The following FCHSD2 variants were observed in gnomAD, a reference collection of about 807,000 sequenced individuals.
The protein encoded by FCHSD2 is F-BAR and double SH3 domains protein 2.
A neutral mutation model predicts 108.1 loss-of-function variants in FCHSD2; 38 were observed. The observed-to-expected ratio is 0.35, with a 90% CI of 0.27 to 0.46. The LOEUF is 0.46. Among genes scored for constraint, FCHSD2 ranks in the 20% least tolerant of loss-of-function variants. FCHSD2 has a pLI of 1.00. For missense variants in FCHSD2, 751 were observed against 897.8 expected (o/e 0.84, Z 2.09); for synonymous variants, 279 against 314.7 (o/e 0.89, Z 1.20).
intron 3 of FCHSD2, among the ~76,000 whole-genome samples, chr11:73,021,616 T>A (rs1301031791): frequency 1.3e-5 from 2 of 152,052 alleles, no homozygotes. Flanking sequence ...GTACTAGGCT[T>A]AATACCTGGG....
Position 72,841,492 on chromosome 11 carries a change from C to T in FCHSD2, c.2018G>A (p.Arg673Lys), listed in dbSNP as rs780485692. The change falls in exon 18 of 20, where the codon AGG becomes AAG. Residue 673 changes from arginine to lysine, a missense_variant. Arg to Lys is a conservative substitution (Grantham distance 26, BLOSUM62 2). Coordinates refer to ENST00000409418, the MANE Select transcript of FCHSD2 (RefSeq NM_014824.3). ...AGACCGGGGAAAGTACAGGGAGCTC[C>T]TCTTATCTGGGCTGGGGTAGGGGCT... ...PSSPYPSPDK[R>K]SSLYFPRSPS... 1.9e-6 allele frequency: 3 copies of T among 1,611,242 alleles called. No homozygotes were observed. The highest frequency in any genetic ancestry group is 2.5e-6 in the Non-Finnish European group (3 of 1,178,856).
intron 2 of FCHSD2, among the ~76,000 whole-genome samples, chr11:73,119,983 C>T (rs1207714921): frequency 2.6e-5 from 4 of 152,034 alleles, no homozygotes; most frequent in East Asian, 1.9e-4. Flanking sequence ...ACAATCATGG[C>T]GAGGAGGAGC....
chr11:72,870,816 C>T (rs1326144602), intron 12 of FCHSD2, among the ~76,000 whole-genome samples: 1 of 137,130 alleles, frequency 7.3e-6, no homozygotes, highest in South Asian at 2.4e-4. Flanking sequence ...AGGAGAATGG[C>T]GTGAACCCAG....
At chr11:73,138,055 A>G (rs1861164013) in intron 2 of FCHSD2, among the ~76,000 whole-genome samples, 1 of 152,226 alleles carries the variant, frequency 6.6e-6, no homozygotes, top group South Asian at 2.1e-4. Context: ...TTAGGATACT[A>G]GTATATTGCA....
At chr11:73,064,022 T>C (rs1238488796) in intron 3 of FCHSD2, among the ~76,000 whole-genome samples, 1 of 152,120 alleles carries the variant, frequency 6.6e-6, no homozygotes, top group Admixed American at 6.5e-5. Flanking sequence ...TATTCTAAAA[T>C]TGACCACATA....
At chr11:73,032,961 C>T (rs1227201783) in intron 3 of FCHSD2, among the ~76,000 whole-genome samples, 1 of 152,118 alleles carries the variant, frequency 6.6e-6, no homozygotes, top group African/African-American at 2.4e-5. Context: ...ATTTAAAAAT[C>T]ATTCTAGCTG....
At chr11:73,125,901 G>T (rs796432171) in intron 2 of FCHSD2, among the ~76,000 whole-genome samples, 40 of 152,278 alleles carry the variant, frequency 2.6e-4, no homozygotes, top group African/African-American at 9.1e-4. Context: ...CTTCCATGGA[G>T]AGAGCTGGCT....
intron 2 of FCHSD2, among the ~76,000 whole-genome samples, chr11:73,096,675 T>C (rs981822475): frequency 6.6e-5 from 10 of 152,142 alleles, no homozygotes; most frequent in East Asian, 1.9e-4. Context: ...CCTGAACTTA[T>C]AGGGAAAGTG....
intron 10 of FCHSD2, among the ~76,000 whole-genome samples, chr11:72,895,839 T>C (rs1855406294): frequency 6.6e-6 from 1 of 152,170 alleles, no homozygotes; most frequent in African/African-American, 2.4e-5. Flanking sequence ...TGGTACCTAT[T>C]TACTCAACAG....
intron 8 of FCHSD2, among the ~76,000 whole-genome samples, chr11:72,924,377 A>G (rs1376488064): frequency 3.3e-5 from 5 of 151,268 alleles, no homozygotes; most frequent in African/African-American, 1.2e-4. Flanking sequence ...TCCTGGGTTC[A>G]TGCCATTCTC....
In FCHSD2 at chr11:73,126,339, T is replaced by TAAAAAAAAAAAAA. The variant is rs61586562; in HGVS notation, c.119+13679_119+13691dup. On this transcript the variant is annotated intron_variant, in intron 2 of 19. Transcript: ENST00000409418. Reference sequence around the variant, plus strand: ...TGGGCAACAGGGCAAGATTCCATCTTAAAAAAAAAAAAAAAAAAAAAAAAA... The same window carrying TAAAAAAAAAAAAA: ...TGGGCAACAGGGCAAGATTCCATCTTAAAAAAAAAAAAAAAAAAAAAAAAAAAAAAAAAAAAAA... Among the ~76,000 whole-genome samples the TAAAAAAAAAAAAA allele has an allele frequency of 8.6e-3, 238 of 27,556 alleles. 14 individuals carry two copies. Among genetic ancestry groups the TAAAAAAAAAAAAA allele is most frequent in the Middle Eastern group, 0.038 (1 of 26 alleles). 18.1% of individuals were successfully genotyped at this position (27,556 alleles called of 152,430 possible).
chr11:72,912,028 T>G (rs1462386587), intron 9 of FCHSD2, among the ~76,000 whole-genome samples: 1 of 152,260 alleles, frequency 6.6e-6, no homozygotes, highest in African/African-American at 2.4e-5. Context: ...TAAAGGTGTT[T>G]ATCAGTTTGA....
At chr11:72,949,311 G>A (rs776495696) in intron 8 of FCHSD2, among the ~76,000 whole-genome samples, 1 of 151,988 alleles carries the variant, frequency 6.6e-6, no homozygotes, top group East Asian at 1.9e-4. Flanking sequence ...TTAGCTGGGC[G>A]TGGTGGTGGG....
At chr11:72,843,604 A>T (rs1285756903) in intron 14 of FCHSD2, 72 bp from the exon 15 acceptor site, 2 of 919,636 alleles carry the variant, frequency 2.2e-6, no homozygotes, top group Non-Finnish European at 3.5e-6. Flanking sequence ...GATCATGACA[A>T]AAACTGGGGA....
At chr11:73,021,133 T>A (rs1020991346) in intron 3 of FCHSD2, among the ~76,000 whole-genome samples, 57 of 151,694 alleles carry the variant, frequency 3.8e-4, no homozygotes, top group African/African-American at 1.3e-3. Context: ...CACCTCTGCC[T>A]CCCAAAGGGC....
chr11:72,990,964 G>A, intron 5 of FCHSD2, among the ~76,000 whole-genome samples: 1 of 152,004 alleles, frequency 6.6e-6, no homozygotes, highest in East Asian at 1.9e-4. Flanking sequence ...TAGACTACTA[G>A]CAAGACTAAT....
At chr11:72,954,224 G>A (rs1161705441) in intron 8 of FCHSD2, among the ~76,000 whole-genome samples, 1 of 37,006 alleles carries the variant, frequency 2.7e-5, no homozygotes, top group African/African-American at 1.0e-4. Context: ...TTTTTTTTTT[G>A]AGACAGGGTC....
chr11:72,990,419 A>G lies in FCHSD2; in HGVS notation c.388-1322T>C, dbSNP rs11828873. ...GAATATACATTCTTCTCAGCACCAC[A>G]CTGCACTTATTCCAAAACTGACCAC... On this transcript the variant is annotated intron_variant, in intron 5 of 19. Coordinates refer to ENST00000409418, the MANE Select transcript of FCHSD2 (RefSeq NM_014824.3). Among the ~76,000 whole-genome samples, 970 of 152,300 alleles carry G rather than the reference A, an allele frequency of 6.4e-3. 7 individuals are homozygous for G. Among genetic ancestry groups the G allele is most frequent in the African/African-American group, 0.022 (919 of 41,540 alleles).
At chr11:73,141,062 ATTCAG>A (rs1591588977) in intron 1 of FCHSD2, among the ~76,000 whole-genome samples, 1 of 152,332 alleles carries the variant, frequency 6.6e-6, no homozygotes, top group East Asian at 1.9e-4. Context: ...CAGAGTAGAC[ATTCAG>A]TATCCATCTG....
Sources: gnomAD v4.1 joint callset for allele counts (sites outside exome capture counted in the v4.1 genomes callset) on GRCh38, gnomAD v4.1.1 for gene constraint, MANE v1.5 for transcripts, NCBI Gene and HGNC (gene_info 2026-07-23, HGNC 2026-07-21) for gene names.